Variants in SH3KBP1 observed in about 807,000 individuals in gnomAD.
The protein encoded by SH3KBP1 is SH3 domain-containing kinase-binding protein 1.
A neutral mutation model predicts 50.1 loss-of-function variants in SH3KBP1; 8 were observed. The ratio of observed to expected loss-of-function variants is 0.16; its 90% CI spans 0.09 to 0.29. SH3KBP1 has a LOEUF of 0.29. Ranked by LOEUF, SH3KBP1 falls within the 10% of genes least tolerant of loss-of-function variation. SH3KBP1 has a pLI of 1.00. For synonymous variants in SH3KBP1, 227 were observed against 218.6 expected (o/e 1.04, Z -0.34); for missense variants, 377 against 535.2 (o/e 0.70, Z 2.92).
At chrX:19,691,401 T>TA in intron 5 of SH3KBP1, among the ~76,000 whole-genome samples, 1 of 96,646 alleles carries the variant, frequency 1.0e-5, no homozygotes, top group African/African-American at 3.8e-5. Context: ...ATATATATAT[T>TA]TTCAGGTTTT....
intron 16 of SH3KBP1, among the ~76,000 whole-genome samples, chrX:19,540,338 A>G (rs1332721031): frequency 1.8e-5 from 2 of 111,021 alleles, no homozygotes; most frequent in African/African-American, 6.6e-5. Context: ...TGAGTGGAAC[A>G]GAACCCGCTT....
chrX:19,856,951 CTTTTTTTTTTTTTTTTTTTTTTT>C (rs758486199), intron 1 of SH3KBP1, among the ~76,000 whole-genome samples: 1 of 20,040 alleles, frequency 5.0e-5, no homozygotes, highest in East Asian at 2.8e-3. Flanking sequence ...TAATACTAGT[CTTTTTTTTTTTTTTTTTTTTTTT>C]TTTTTTTTTT....
intron 14 of SH3KBP1, among the ~76,000 whole-genome samples, 169 bp from the exon 15 acceptor site, chrX:19,546,219 T>A (rs182630463): frequency 8.9e-6 from 1 of 112,576 alleles, no homozygotes; most frequent in African/African-American, 3.2e-5. Flanking sequence ...TCAAGTCACA[T>A]AGCTGATTAG....
chrX:19,743,124 C>A (rs770601551), intron 3 of SH3KBP1, among the ~76,000 whole-genome samples: 3 of 111,913 alleles, frequency 2.7e-5, no homozygotes, highest in Non-Finnish European at 5.6e-5. Context: ...AAATGAAAAG[C>A]CAGCCAGTCA....
chrX:19,604,127 T>C (rs1368062727), intron 9 of SH3KBP1, among the ~76,000 whole-genome samples: 1 of 112,087 alleles, frequency 8.9e-6, no homozygotes, highest in East Asian at 2.8e-4. Flanking sequence ...GCACACACAC[T>C]GCTTCATTAG....
chrX:19,726,454 A>T (rs1349421019), intron 3 of SH3KBP1, among the ~76,000 whole-genome samples: 1 of 111,447 alleles, frequency 9.0e-6, no homozygotes, highest in African/African-American at 3.3e-5. Context: ...ACTAGGGCGT[A>T]CTGATTGCAT....
At chrX:19,660,178 A>C (rs963827114) in intron 6 of SH3KBP1, among the ~76,000 whole-genome samples, 2 of 112,422 alleles carry the variant, frequency 1.8e-5, no homozygotes, top group Non-Finnish European at 3.8e-5. Flanking sequence ...GAAGCTACTT[A>C]ACCTCTCTGT....
At chrX:19,815,911 A>C (rs1441267323) in intron 2 of SH3KBP1, among the ~76,000 whole-genome samples, 1 of 112,280 alleles carries the variant, frequency 8.9e-6, no homozygotes, top group Non-Finnish European at 1.9e-5. Context: ...CCACTCAAAG[A>C]CAATTCAAGA....
chrX:19,802,271 T>G (rs1232568829), intron 2 of SH3KBP1, among the ~76,000 whole-genome samples: 1 of 111,089 alleles, frequency 9.0e-6, no homozygotes, highest in African/African-American at 3.3e-5. Context: ...GGCGCATGTC[T>G]GTAGTCCCAG....
At chrX:19,748,287 T>G (rs1284311631) in intron 2 of SH3KBP1, among the ~76,000 whole-genome samples, 1 of 111,819 alleles carries the variant, frequency 8.9e-6, no homozygotes, top group Non-Finnish European at 1.9e-5. Context: ...AGTGTCTACT[T>G]AGCAATAACT....
chrX:19,681,347 C>A (rs1281095781), intron 6 of SH3KBP1, among the ~76,000 whole-genome samples: 1 of 112,123 alleles, frequency 8.9e-6, no homozygotes, highest in Non-Finnish European at 1.9e-5. Flanking sequence ...TACACAAGTG[C>A]TATATTATCT....
intron 1 of SH3KBP1, among the ~76,000 whole-genome samples, chrX:19,838,886 CAAAAAAAAA>C (rs1187740894): frequency 3.3e-5 from 1 of 30,074 alleles, no homozygotes; most frequent in Non-Finnish European, 7.2e-5. Context: ...AACTTTGTCT[CAAAAAAAAA>C]AAAAAAAAAA....
intron 4 of SH3KBP1, 44 bp from the exon 5 acceptor site, chrX:19,695,785 T>C (rs1478877587): frequency 1.7e-6 from 2 of 1,193,577 alleles, no homozygotes; most frequent in East Asian, 6.0e-5. Flanking sequence ...TGGGTCAGGT[T>C]AGACATGGTG....
intron 8 of SH3KBP1, among the ~76,000 whole-genome samples, chrX:19,619,150 C>G (rs1417385661): frequency 9.0e-6 from 1 of 111,335 alleles, no homozygotes; most frequent in Non-Finnish European, 1.9e-5. Context: ...GTAGCGGGCA[C>G]CTGTAATCCC....
chrX:19,565,300 G>A (rs1448634294), intron 13 of SH3KBP1, among the ~76,000 whole-genome samples: 1 of 109,899 alleles, frequency 9.1e-6, no homozygotes, highest in African/African-American at 3.3e-5. Context: ...GACCTCAGGT[G>A]ATCTGCCCGC....
At position 19,534,934 on chromosome X, in the gene SH3KBP1, G is replaced by A. The variant is rs750595807; in HGVS notation, c.*1483C>T. 4 of 295,679 alleles carry A rather than the reference G, an allele frequency of 1.4e-5. No individual in the cohort carries two copies. The highest frequency in any genetic ancestry group is 1.2e-5 in the Non-Finnish European group (2 of 170,063). The allele number at this position is 295,679 out of a possible 1,213,427, so 24.4% of individuals were successfully genotyped here. On this transcript the variant is annotated 3_prime_UTR_variant, in exon 18 of 18. Transcript: ENST00000397821. The stretch of plus-strand genomic sequence containing the variant: ...TTTTTTGTTTTTGCATCACTTCTTC[G>A]GTATTATCAACTCTCATTCTTTGTG...
chrX:19,690,516 T>C (rs1164422118), intron 5 of SH3KBP1, among the ~76,000 whole-genome samples: 3 of 112,332 alleles, frequency 2.7e-5, no homozygotes, highest in Non-Finnish European at 3.8e-5. Context: ...CCTCTGAAGA[T>C]TGTGAGAAAT....
intron 13 of SH3KBP1, among the ~76,000 whole-genome samples, chrX:19,561,678 G>C (rs1023267683): frequency 9.0e-6 from 1 of 111,725 alleles, no homozygotes; most frequent in Non-Finnish European, 1.9e-5. Context: ...GGTCAACATT[G>C]TGAGTTTCCC....
intron 3 of SH3KBP1, among the ~76,000 whole-genome samples, chrX:19,726,993 C>A (rs1334912024): frequency 1.8e-5 from 2 of 112,344 alleles, no homozygotes; most frequent in African/African-American, 6.5e-5. Context: ...TTACCCAAGT[C>A]ATCCATCACG....
Sources: gnomAD v4.1 joint callset for allele counts (sites outside exome capture counted in the v4.1 genomes callset) on GRCh38, gnomAD v4.1.1 for gene constraint, MANE v1.5 for transcripts, NCBI Gene and HGNC (gene_info 2026-07-23, HGNC 2026-07-21) for gene names.